Variants in ITGA9 observed in about 807,000 individuals in gnomAD.
ITGA9 encodes integrin subunit alpha 9, also known as integrin alpha-9.
ITGA9 carries 56 observed loss-of-function variants against 127.8 expected under a neutral mutation model. The ratio of observed to expected loss-of-function variants is 0.44; its 90% CI spans 0.35 to 0.55. ITGA9 has a LOEUF of 0.55. ITGA9 is among the 20% of genes least tolerant of loss of function. The probability of loss-of-function intolerance (pLI) is 0.00; values close to 1 mark genes in which losing one functional copy is unlikely to be tolerated. For synonymous variants in ITGA9, 508 were observed against 514.5 expected (o/e 0.99, Z 0.17); for missense variants, 1,196 against 1,347.1 (o/e 0.89, Z 1.76).
Position 37,777,447 on chromosome 3 carries a change from T to A in ITGA9, c.2597T>A (p.Ile866Asn). The A allele has an allele frequency of 1.9e-6, 3 of 1,614,056 alleles. No homozygotes were observed. The highest frequency in any genetic ancestry group is 2.5e-6 in the Non-Finnish European group (3 of 1,179,918). Residue 866 changes from isoleucine (I) to asparagine (N), a missense_variant, in exon 24 of 28, where the codon ATC (isoleucine) becomes AAC (asparagine). Coordinates refer to ENST00000264741, the MANE Select transcript of ITGA9 (RefSeq NM_002207.3). ...SFQKNPTPCI[I>N]PQEQENIFHT... ...CAGAAAAACCCAACTCCCTGCATCA[T>A]CCCTCAAGAACAAGAAAATATCTTC... is the stretch of plus-strand genomic sequence containing the variant.
chr3:37,674,892 G>T (rs140205800), intron 17 of ITGA9, among the ~76,000 whole-genome samples: 1 of 152,338 alleles, frequency 6.6e-6, no homozygotes, highest in Non-Finnish European at 1.5e-5. Context: ...GATCCCAAGG[G>T]TTGGGTAGGG....
At chr3:37,530,313 G>T (rs968337384) in intron 13 of ITGA9, among the ~76,000 whole-genome samples, 2 of 152,166 alleles carry the variant, frequency 1.3e-5, no homozygotes, top group African/African-American at 4.8e-5. Flanking sequence ...TTAGGTTTTG[G>T]GTGGGACTAG....
chr3:37,497,629 C>T (rs896021063), intron 5 of ITGA9, among the ~76,000 whole-genome samples: 2 of 152,142 alleles, frequency 1.3e-5, no homozygotes, highest in African/African-American at 4.8e-5. Context: ...GTTGGTTGTT[C>T]TGATACTGGT....
chr3:37,580,151 G>A (rs1339852361), intron 15 of ITGA9, among the ~76,000 whole-genome samples: 4 of 151,584 alleles, frequency 2.6e-5, no homozygotes, highest in Admixed American at 2.6e-4. Context: ...TTGTTGGGGA[G>A]AAATCTTTAT....
At chr3:37,779,802 C>T in intron 24 of ITGA9, 100 bp from the exon 25 acceptor site, 1 of 1,146,672 alleles carries the variant, frequency 8.7e-7, no homozygotes, top group South Asian at 1.2e-5. Context: ...CCTGGAATTG[C>T]CTTAGTCACC....
chr3:37,732,536 C>T (rs555400780), intron 18 of ITGA9, among the ~76,000 whole-genome samples, 176 bp from the exon 19 acceptor site: 74 of 152,272 alleles, frequency 4.9e-4, no homozygotes, highest in African/African-American at 1.6e-3. Flanking sequence ...TCCCAGGGAA[C>T]CCATGAAAAA....
At chr3:37,474,760 G>T (rs1467574475) in intron 3 of ITGA9, among the ~76,000 whole-genome samples, 1 of 152,222 alleles carries the variant, frequency 6.6e-6, no homozygotes, top group Non-Finnish European at 1.5e-5. Context: ...CTTATGGAGG[G>T]CTTCATTTGG....
chr3:37,604,846 C>G (rs1159207909), intron 15 of ITGA9, among the ~76,000 whole-genome samples: 1 of 152,118 alleles, frequency 6.6e-6, no homozygotes, highest in Admixed American at 6.6e-5. Flanking sequence ...TTCCTCTCCC[C>G]TTCCATGAAA....
chr3:37,483,058 A>G (rs1487182598), intron 4 of ITGA9, among the ~76,000 whole-genome samples: 1 of 152,134 alleles, frequency 6.6e-6, no homozygotes, highest in African/African-American at 2.4e-5. Context: ...CTCTGGAACA[A>G]CCGGTGGGGC....
rs148472352 is a variant in ITGA9 at position 37,521,273 on chromosome 3, C to G, written c.1236+1919C>G. On this transcript the variant is annotated intron_variant, in intron 11 of 27. Transcript: ENST00000264741. ...ACAGAGCAGGCATTGTGTGGGTGAA[C>G]TAGAGGAAGGAATCAGAAACAACTC... 8.5e-3 allele frequency among the ~76,000 whole-genome samples: 1,289 copies of G among 152,270 alleles called. 9 individuals are homozygous for G. The highest frequency in any genetic ancestry group is 0.024 in the Middle Eastern group (7 of 294).
intron 23 of ITGA9, among the ~76,000 whole-genome samples, chr3:37,770,362 C>T (rs1442787046): frequency 6.6e-6 from 1 of 152,170 alleles, no homozygotes; most frequent in Non-Finnish European, 1.5e-5. Flanking sequence ...GAAAAAAGAT[C>T]AGAGGACTTT....
intron 15 of ITGA9, among the ~76,000 whole-genome samples, chr3:37,564,676 A>G (rs9311159): frequency 0.016 from 2,496 of 152,306 alleles, 53 homozygotes; most frequent in African/African-American, 0.057. Flanking sequence ...ATCAAGATGG[A>G]TATACTTGCC....
intron 8 of ITGA9, among the ~76,000 whole-genome samples, chr3:37,511,252 T>G (rs193288587): frequency 1.6e-4 from 25 of 152,322 alleles, no homozygotes; most frequent in Admixed American, 1.6e-3. Context: ...CTCCAAATAG[T>G]ACACTTAAGA....
Position 37,687,327 on chromosome 3 carries a change from G to A in ITGA9, c.2067+3312G>A, listed in dbSNP as rs73827025. Among the ~76,000 whole-genome samples, 778 of 152,282 alleles carry A rather than the reference G, an allele frequency of 5.1e-3. 8 individuals are homozygous for A. Among genetic ancestry groups the A allele is most frequent in the African/African-American group, 0.018 (737 of 41,564 alleles). ...CAGAACAGAAAATTGATTTAATGAT[G>A]CGGAGGTGTTTTTGAGAGGCTCTGA... On this transcript the variant is annotated intron_variant, in intron 18 of 27. Transcript: ENST00000264741.
chr3:37,791,145 C>T (rs563450922), intron 26 of ITGA9, among the ~76,000 whole-genome samples: 19 of 152,280 alleles, frequency 1.2e-4, no homozygotes, highest in Admixed American at 4.6e-4. Flanking sequence ...GAAAGGACCC[C>T]TGAAGCCAGA....
intron 16 of ITGA9, among the ~76,000 whole-genome samples, chr3:37,652,698 C>T (rs919148312): frequency 5.3e-5 from 8 of 152,142 alleles, no homozygotes; most frequent in African/African-American, 9.7e-5. Flanking sequence ...AAAAAACTCA[C>T]GAACATGAGC....
At chr3:37,748,378 A>T (rs1418885856) in intron 22 of ITGA9, 2 of 605,624 alleles carry the variant, frequency 3.3e-6, no homozygotes, top group Non-Finnish European at 3.1e-6. Flanking sequence ...CAAGAAAATT[A>T]ATGTACGTAT....
At chr3:37,743,439 G>C (rs972982503) in intron 21 of ITGA9, among the ~76,000 whole-genome samples, 5 of 152,172 alleles carry the variant, frequency 3.3e-5, no homozygotes, top group Admixed American at 3.3e-4. Context: ...ATCAATGAAC[G>C]GATTCAGCTT....
chr3:37,750,595 T>C, intron 23 of ITGA9, 26 bp downstream of exon 23: 2 of 1,491,356 alleles, frequency 1.3e-6, no homozygotes, highest in Non-Finnish European at 1.9e-6. Context: ...GTTTTCACTA[T>C]TGCTTTCAGC....
Sources: gnomAD v4.1 joint callset for allele counts (sites outside exome capture counted in the v4.1 genomes callset) on GRCh38, gnomAD v4.1.1 for gene constraint, MANE v1.5 for transcripts, NCBI Gene and HGNC (gene_info 2026-07-23, HGNC 2026-07-21) for gene names.